ALDH3A2: variants seen among roughly 807,000 people sequenced by gnomAD.
ALDH3A2 encodes the protein aldehyde dehydrogenase 3 family member A2, also known as aldehyde dehydrogenase family 3 member A2.
In ALDH3A2, 36 loss-of-function variants were observed where a neutral mutation model predicts 51.3. The observed-to-expected ratio is 0.70, with a 90% confidence interval of 0.54 to 0.93. ALDH3A2 has a LOEUF of 0.93. ALDH3A2 is among the 40% of genes least tolerant of loss of function. ALDH3A2 has a pLI of 0.00. For missense variants in ALDH3A2, 552 were observed against 603.1 expected (o/e 0.92, Z 0.89); for synonymous variants, 199 against 219.8 (o/e 0.91, Z 0.84).
intron 3 of ALDH3A2, among the ~76,000 whole-genome samples, chr17:19,655,753 G>A (rs1953262566): frequency 6.6e-6 from 1 of 152,220 alleles, no homozygotes; most frequent in Admixed American, 6.5e-5. Flanking sequence ...ATAGCACAAT[G>A]CATAGATGGG....
intron 9 of ALDH3A2, chr17:19,674,770 AAATTACCTTTTATTT>A (rs2085165274): frequency 6.6e-6 from 1 of 152,150 alleles, no homozygotes; most frequent in African/African-American, 2.4e-5. Flanking sequence ...TCTTTTTATC[AAATTACCTTTTATTT>A]AAAATAAATG....
chr17:19,675,748 C>A lies in ALDH3A2; in HGVS notation c.*176C>A. The A allele has an allele frequency of 1.4e-6, 1 of 733,686 alleles. No homozygotes were observed. The highest frequency in any genetic ancestry group is 2.4e-6 in the Non-Finnish European group (1 of 423,518). 45.4% of individuals were successfully genotyped at this position (733,686 alleles called of 1,614,324 possible). On this transcript the variant is annotated 3_prime_UTR_variant, in exon 10 of 10. Coordinates refer to ENST00000176643, the MANE Select transcript of ALDH3A2 (RefSeq NM_000382.3). ...TTAATAAAAGTTGCCATTTCAACTA[C>A]GTCCCAACATTCCCTAATAGGGTAT...
intron 5 of ALDH3A2, 76 bp downstream of exon 5, chr17:19,657,938 C>T: frequency 8.4e-7 from 1 of 1,192,642 alleles, no homozygotes; most frequent in Non-Finnish European, 1.2e-6. Context: ...AGGCAGCATC[C>T]CCATTTGTTT....
chr17:19,652,686 A>C, intron 3 of ALDH3A2, 54 bp downstream of exon 3: 1 of 1,436,954 alleles, frequency 7.0e-7, no homozygotes, highest in Non-Finnish European at 9.8e-7. Flanking sequence ...GAAAACACAC[A>C]TTTTATTTTC....
rs1398224176 is a variant in ALDH3A2 at position 19,676,263 on chromosome 17, T to C, written c.*691T>C. 2.0e-5 allele frequency: 3 copies of C among 152,342 alleles called. No homozygotes were observed. Among genetic ancestry groups the C allele is most frequent in the Non-Finnish European group, 4.4e-5 (3 of 68,132 alleles). 9.4% of individuals were successfully genotyped at this position (152,342 alleles called of 1,614,324 possible). ...CAAAGCATCTTGTAAATCCTAGGGC[T>C]TCCTGGAAGTTAGTTGCCAAAGTCA... On this transcript the variant is annotated 3_prime_UTR_variant, in exon 10 of 10. Transcript: ENST00000176643.
chr17:19,671,951 G>T lies in ALDH3A2; in HGVS notation c.1438G>T (p.Val480Phe), dbSNP rs747791549. ...TFLGIVAAVL[V>F]KAEYY is the part of the protein sequence containing the mutation. ...CCTGGGTATTGTAGCCGCTGTGCTT[G>T]TCAAGGTGAGTCCCTATAACCCATG... Residue 480 changes from valine to phenylalanine, a missense_variant, in exon 9 of 10, where the codon GTC (valine) becomes TTC (phenylalanine). Transcript: ENST00000176643. 3.7e-6 allele frequency: 6 copies of T among 1,613,598 alleles called. No homozygotes were observed. In the African/African-American group the frequency reaches 6.7e-5, roughly 18 times the overall value.
chr17:19,649,136 T>C lies in ALDH3A2; in HGVS notation c.153+12T>C, dbSNP rs1171885533. 2 of 1,554,090 alleles carry C rather than the reference T, an allele frequency of 1.3e-6. No individual in the cohort carries two copies. Among genetic ancestry groups the C allele is most frequent in the Admixed American group, 1.9e-5 (1 of 52,090 alleles). On this transcript the variant is annotated intron_variant, in intron 1 of 9. Transcript: ENST00000176643. ...CCGACCTGTGCAAGGTACGCACGCG[T>C]GCGGCGGGGTGTGGGGAAACTGGCC...
rs77985942 is a variant in ALDH3A2, at chr17:19,663,809, A to G, written c.1107+310A>G. On this transcript the variant is annotated intron_variant, in intron 7 of 9. Transcript: ENST00000176643. ...GAAGACTTATATGTGCCAGCATTAA[A>G]TGCTTTTCTGATGTTAATCCACAGG... Among the ~76,000 whole-genome samples the G allele has an allele frequency of 5.1e-4, 76 of 148,912 alleles. No individual in the cohort carries two copies. In the East Asian group the frequency reaches 0.015, roughly 30 times the overall value.
At chr17:19,651,429 C>T (rs1293006356) in intron 1 of ALDH3A2, 118 bp from the exon 2 acceptor site, 6 of 861,584 alleles carry the variant, frequency 7.0e-6, no homozygotes, top group Non-Finnish European at 9.8e-6. Context: ...TGGCAAACAG[C>T]TAGTCTGATA....
chr17:19,672,165 G>T (rs1772403566), intron 9 of ALDH3A2, among the ~76,000 whole-genome samples: 1 of 152,154 alleles, frequency 6.6e-6, no homozygotes, highest in Non-Finnish European at 1.5e-5. Flanking sequence ...CTGCTTTCAT[G>T]GGACAGTGAC....
In ALDH3A2 at chr17:19,649,192, G is replaced by A. The variant is rs1161998209; in HGVS notation, c.153+68G>A. On this transcript the variant is annotated intron_variant, in intron 1 of 9. Coordinates refer to ENST00000176643, the MANE Select transcript of ALDH3A2 (RefSeq NM_000382.3). ...CGCGCACTTGTGGACTGGAGCTTCGGCTGGGTTTTGTTTTTGCTTTTACAT... is the reference window on the plus strand; with the variant it reads ...CGCGCACTTGTGGACTGGAGCTTCGACTGGGTTTTGTTTTTGCTTTTACAT... 7.9e-6 allele frequency: 12 copies of A among 1,519,064 alleles called. No homozygotes were observed. The African/African-American group carries it at 8.3e-5, about 11-fold the overall frequency. 94.1% of individuals were successfully genotyped at this position (1,519,064 alleles called of 1,614,324 possible).
chr17:19,675,701 T>A lies in ALDH3A2; in HGVS notation c.*129T>A. 1 of 1,071,122 alleles carries A rather than the reference T, an allele frequency of 9.3e-7. No homozygotes were observed. Among genetic ancestry groups the A allele is most frequent in the Non-Finnish European group, 1.4e-6 (1 of 694,338 alleles). The allele number at this position is 1,071,122 out of a possible 1,614,324, so 66.4% of individuals were successfully genotyped here. The stretch of plus-strand genomic sequence containing the variant: ...TATGCAAACACTCTGTGATCAAACT[T>A]AAAAGTCATTGCCATTCATCATTAA... On this transcript the variant is annotated 3_prime_UTR_variant, in exon 10 of 10. Transcript: ENST00000176643.
At chr17:19,651,100 A>T (rs1806492884) in intron 1 of ALDH3A2, among the ~76,000 whole-genome samples, 1 of 152,242 alleles carries the variant, frequency 6.6e-6, no homozygotes, top group South Asian at 2.1e-4. Context: ...TGGGAAACAG[A>T]ACATACACAG....
intron 7 of ALDH3A2, among the ~76,000 whole-genome samples, chr17:19,663,702 C>T (rs758244570): frequency 4.3e-4 from 66 of 152,168 alleles, no homozygotes; most frequent in Non-Finnish European, 7.1e-4. Context: ...GCATCCATTC[C>T]CCTCCTCCCT....
intron 6 of ALDH3A2, among the ~76,000 whole-genome samples, chr17:19,662,579 A>G (rs2084980384): frequency 6.6e-6 from 1 of 152,176 alleles, no homozygotes; most frequent in Non-Finnish European, 1.5e-5. Flanking sequence ...CCTCCCCAGC[A>G]TCTGTTTCAC....
rs1317644166 is a variant in ALDH3A2 at position 19,676,089 on chromosome 17, C to T, written c.*517C>T. 1 of 164,518 alleles carries T rather than the reference C, an allele frequency of 6.1e-6. No individual in the cohort carries two copies. Among genetic ancestry groups the T allele is most frequent in the East Asian group, 1.7e-4 (1 of 5,718 alleles). 10.2% of individuals were successfully genotyped at this position (164,518 alleles called of 1,614,324 possible). A position where few individuals can be genotyped will look rare whatever the true frequency, so the allele number is the denominator to read the frequency against. ...TATGTGGGGAAGGGAGGGGTTACTC[C>T]TCCTCCAATGGGACTCAAGGACTTG... On this transcript the variant is annotated 3_prime_UTR_variant, in exon 10 of 10. Transcript: ENST00000176643.
rs189167880 is a variant in ALDH3A2 at position 19,663,440 on chromosome 17, A to C, written c.1048A>C (p.Asn350His). ...TGTGAAAAATGTAGATGAGGCCATA[A>C]ATTTCATAAATGAACGTGAAAAGCC... ...VPVKNVDEAI[N>H]FINEREKPLA... The change falls in exon 7 of 10, where the codon AAT (asparagine) becomes CAT (histidine). Residue 350 changes from asparagine to histidine, a missense_variant. Physicochemically the swap from Asn to His is moderately conservative, Grantham distance 68 (BLOSUM62 1). Coordinates refer to ENST00000176643, the MANE Select transcript of ALDH3A2 (RefSeq NM_000382.3). 119 of 1,614,216 alleles carry C rather than the reference A, an allele frequency of 7.4e-5. No individual in the cohort carries two copies. The African/African-American group carries it at 1.5e-3, about 20-fold the overall frequency.
In ALDH3A2 at chr17:19,676,540, C is replaced by A. The variant is rs1354356685; in HGVS notation, c.*968C>A. 1.3e-5 allele frequency: 2 copies of A among 152,176 alleles called. No homozygotes were observed. The highest frequency in any genetic ancestry group is 2.4e-5 in the African/African-American group (1 of 41,426). The allele number at this position is 152,176 out of a possible 1,614,324, so 9.4% of individuals were successfully genotyped here. On this transcript the variant is annotated 3_prime_UTR_variant, in exon 10 of 10. Coordinates refer to ENST00000176643, the MANE Select transcript of ALDH3A2 (RefSeq NM_000382.3). ...TGGTGGCATGAGCCTGTGTTCCCAG[C>A]TGCTTAGGAGGCTGAAGCAGGAGGA...
intron 2 of ALDH3A2, 88 bp downstream of exon 2, chr17:19,651,866 T>A: frequency 8.3e-7 from 1 of 1,200,820 alleles, no homozygotes; most frequent in Non-Finnish European, 1.2e-6. Context: ...GCTAATTAAA[T>A]ACATTTACTT....
Sources: gnomAD v4.1 joint callset for allele counts (sites outside exome capture counted in the v4.1 genomes callset) on GRCh38, gnomAD v4.1.1 for gene constraint, MANE v1.5 for transcripts, NCBI Gene and HGNC (gene_info 2026-07-23, HGNC 2026-07-21) for gene names.